PHOSPHO1: variants seen among roughly 807,000 people sequenced by gnomAD.
PHOSPHO1 encodes phosphoethanolamine/phosphocholine phosphatase 1.
PHOSPHO1 carries 6 observed loss-of-function variants against 17.7 expected under a neutral mutation model. The ratio of observed to expected loss-of-function variants is 0.34; its 90% CI spans 0.19 to 0.67. PHOSPHO1 has a LOEUF of 0.67. PHOSPHO1 is among the 30% of genes least tolerant of loss of function. The pLI is 0.69. For missense variants in PHOSPHO1, 330 were observed against 392.1 expected (o/e 0.84, Z 1.34); for synonymous variants, 159 against 174.6 (o/e 0.91, Z 0.71).
rs149060541 is a variant in PHOSPHO1, at chr17:49,227,259, C to T, written c.-67-501G>A. On this transcript the variant is annotated intron_variant, in intron 1 of 2. Transcript: ENST00000310544. ...TGCCCTCAAAAAGGAAGGAGCTGAC[C>T]AAAGCTTACTATACCATAGCTGGGG... Among the ~76,000 whole-genome samples the T allele has an allele frequency of 1.3e-3, 203 of 152,272 alleles. 1 individual carries two copies. Among genetic ancestry groups the T allele is most frequent in the Admixed American group, 4.2e-3 (64 of 15,296 alleles).
At chr17:49,227,735 T>A (rs1161495595) in intron 1 of PHOSPHO1, among the ~76,000 whole-genome samples, 1 of 152,196 alleles carries the variant, frequency 6.6e-6, no homozygotes. Flanking sequence ...GTACAGGCTC[T>A]AGCAATATCC....
In PHOSPHO1 at chr17:49,226,751, A is replaced by T; in HGVS notation, c.-60T>A. ...ACTCTGTTGGCCTCCAGCCGTCGTC[A>T]CACGTTCCTGACAACCACAAAAGTT... On this transcript the variant is annotated 5_prime_UTR_variant, in exon 2 of 3. Coordinates refer to ENST00000310544, the MANE Select transcript of PHOSPHO1 (RefSeq NM_178500.4). 2 of 1,600,820 alleles carry T rather than the reference A, an allele frequency of 1.2e-6. No homozygotes were observed. Among genetic ancestry groups the T allele is most frequent in the Admixed American group, 3.3e-5 (2 of 59,810 alleles).
intron 1 of PHOSPHO1, among the ~76,000 whole-genome samples, chr17:49,229,842 C>T (rs749603353): frequency 6.6e-6 from 1 of 152,174 alleles, no homozygotes; most frequent in Non-Finnish European, 1.5e-5. Context: ...AGAGGTCAGG[C>T]TAACATCCTA....
chr17:49,226,228 TG>T (rs770924824), intron 2 of PHOSPHO1, among the ~76,000 whole-genome samples: 7 of 152,008 alleles, frequency 4.6e-5, no homozygotes, highest in Non-Finnish European at 1.0e-4. Flanking sequence ...TTAATTGAGA[TG>T]GGATTGTTTC....
chr17:49,224,524 A>C lies in PHOSPHO1; in HGVS notation c.526T>G (p.Cys176Gly). Residue 176 changes from cysteine (C) to glycine (G), a missense_variant, in exon 3 of 3, where the codon TGC becomes GGC. Physicochemically the swap from Cys to Gly is radical, Grantham distance 159. Transcript: ENST00000310544. Reference protein sequence around the residue: ...HSCARCPANMCKHKVLSDYLR... With the variant: ...HSCARCPANMGKHKVLSDYLR... The stretch of plus-strand genomic sequence containing the variant: ...TAGTCGCTGAGCACCTTGTGCTTGC[A>C]CATGTTGGCGGGGCAGCGCGCGCAG... 1 of 1,577,794 alleles carries C rather than the reference A, an allele frequency of 6.3e-7. No homozygotes were observed. Among genetic ancestry groups the C allele is most frequent in the Non-Finnish European group, 8.6e-7 (1 of 1,165,114 alleles).
rs1381373793 is a variant in PHOSPHO1 at position 49,224,312 on chromosome 17, G to A, written c.738C>T (p.Ser246=). ...QKAEPSSFRA[S]VVPWETAADV... Reference sequence around the variant, plus strand: ...CTGCAGCCGTTTCCCAGGGCACCACGCTGGCGCGGAACGAGCTGGGCTCGG... The same window carrying A: ...CTGCAGCCGTTTCCCAGGGCACCACACTGGCGCGGAACGAGCTGGGCTCGG... Residue 246 remains serine, a synonymous_variant, in exon 3 of 3, where the codon AGC becomes AGT. Coordinates refer to ENST00000310544, the MANE Select transcript of PHOSPHO1 (RefSeq NM_178500.4). The A allele has an allele frequency of 8.8e-6, 14 of 1,595,200 alleles. No individual in the cohort carries two copies. The highest frequency in any genetic ancestry group is 1.1e-5 in the South Asian group (1 of 89,276).
At position 49,224,550 on chromosome 17, in the gene PHOSPHO1, C is replaced by CTG; in HGVS notation, c.498_499dup (p.Ser167ThrfsTer99). ...CATGTTGGCGGGGCAGCGCGCGCAG[C>CTG]TGTGTGTGTGGAACGGCCGCAGAGC... is the stretch of plus-strand genomic sequence containing the variant. On this transcript the variant is annotated frameshift_variant, in exon 3 of 3. Transcript: ENST00000310544. LOFTEE classifies it high-confidence loss of function. 3 of 1,567,504 alleles carry CTG rather than the reference C, an allele frequency of 1.9e-6. No individual in the cohort carries two copies. The highest frequency in any genetic ancestry group is 2.6e-6 in the Non-Finnish European group (3 of 1,161,614).
rs1429810572 is a variant in PHOSPHO1 at position 49,230,640 on chromosome 17, C to T, written c.-240G>A. On this transcript the variant is annotated 5_prime_UTR_variant, in exon 1 of 3. Transcript: ENST00000310544. ...ATTTCTGGGCTCCGGCTCACGAGTC[C>T]CTCCAGTCCCGAGGGACTGAGGATG... is the stretch of plus-strand genomic sequence containing the variant. The T allele has an allele frequency of 6.6e-6, 1 of 152,256 alleles. No individual in the cohort carries two copies. The highest frequency in any genetic ancestry group is 1.9e-4 in the East Asian group (1 of 5,176). 9.4% of individuals were successfully genotyped at this position (152,256 alleles called of 1,614,324 possible). A position where few individuals can be genotyped will look rare whatever the true frequency, so the allele number is the denominator to read the frequency against.
At chr17:49,228,277 CTTCCTTCCTTCCTTCCTTCCTCCTTCCT>C (rs2043377296) in intron 1 of PHOSPHO1, among the ~76,000 whole-genome samples, 1 of 93,854 alleles carries the variant, frequency 1.1e-5, no homozygotes, top group Non-Finnish European at 2.2e-5. Flanking sequence ...TCCTTCCTTC[CTTCCTTCCTTCCTTCCTTCCTCCTTCCT>C]TCCTTCCTTC....
chr17:49,226,283 T>G (rs373979415), intron 2 of PHOSPHO1, among the ~76,000 whole-genome samples: 2 of 152,120 alleles, frequency 1.3e-5, no homozygotes, highest in African/African-American at 4.8e-5. Context: ...ATTCCTGGTG[T>G]GCTTATGGCC....
chr17:49,226,756 T>C lies in PHOSPHO1; in HGVS notation c.-65A>G. The C allele has an allele frequency of 1.3e-6, 2 of 1,593,880 alleles. No homozygotes were observed. The highest frequency in any genetic ancestry group is 1.7e-5 in the Admixed American group (1 of 59,658). ...GTTGGCCTCCAGCCGTCGTCACACG[T>C]TCCTGACAACCACAAAAGTTCATTT... is the stretch of plus-strand genomic sequence containing the variant. On this transcript the variant is annotated splice_region_variant and 5_prime_UTR_variant, in exon 2 of 3. Coordinates refer to ENST00000310544, the MANE Select transcript of PHOSPHO1 (RefSeq NM_178500.4).
At chr17:49,228,285 CT>C (rs1451773118) in intron 1 of PHOSPHO1, among the ~76,000 whole-genome samples, 152 of 93,370 alleles carry the variant, frequency 1.6e-3, no homozygotes, top group Non-Finnish European at 2.0e-3. Context: ...TCCTTCCTTC[CT>C]TCCTTCCTTC....
At chr17:49,226,822 C>A in intron 1 of PHOSPHO1, 64 bp from the exon 2 acceptor site, 3 of 979,748 alleles carry the variant, frequency 3.1e-6, no homozygotes, top group South Asian at 1.4e-5. Context: ...ACCAGGAATA[C>A]CCACCTGGCC....
chr17:49,228,781 C>T (rs529462002), intron 1 of PHOSPHO1, among the ~76,000 whole-genome samples: 1 of 125,544 alleles, frequency 8.0e-6, no homozygotes, highest in African/African-American at 3.3e-5. Context: ...CAGCGAGACT[C>T]CGTCTCAAAA....
At chr17:49,225,141 A>C (rs905014180) in intron 2 of PHOSPHO1, 137 bp from the exon 3 acceptor site, 1 of 1,436,144 alleles carries the variant, frequency 7.0e-7, no homozygotes, top group Non-Finnish European at 9.1e-7. Context: ...CCTGAGGAGG[A>C]CCCAAGTCTG....
In PHOSPHO1 at chr17:49,223,606, AC is replaced by A. The variant is rs1254839460; in HGVS notation, c.*639del. ...TACTGGCTGTCCGGACCCGAGCCGG[AC>A]GGTGCGCTACCTCGTACCACCACCA... On this transcript the variant is annotated 3_prime_UTR_variant, in exon 3 of 3. Coordinates refer to ENST00000310544, the MANE Select transcript of PHOSPHO1 (RefSeq NM_178500.4). 1.3e-5 allele frequency: 2 copies of A among 152,690 alleles called. No individual in the cohort carries two copies. The highest frequency in any genetic ancestry group is 4.8e-5 in the African/African-American group (2 of 41,512). 9.5% of individuals were successfully genotyped at this position (152,690 alleles called of 1,614,324 possible).
chr17:49,225,864 G>C lies in PHOSPHO1; in HGVS notation c.45+783C>G, dbSNP rs1489758729. ...GAGGGGCCAGGTAGTGGGGACTTGG[G>C]GGGTGTGGAGGAGAGGGCTGAGAGG... On this transcript the variant is annotated intron_variant, in intron 2 of 2. Transcript: ENST00000310544. 6.7e-6 allele frequency: 8 copies of C among 1,188,028 alleles called. No individual in the cohort carries two copies. In the South Asian group the frequency reaches 1.2e-4, roughly 18 times the overall value. 73.6% of individuals were successfully genotyped at this position (1,188,028 alleles called of 1,614,324 possible). A position where few individuals can be genotyped will look rare whatever the true frequency, so the allele number is the denominator to read the frequency against.
In PHOSPHO1 at chr17:49,224,760, G is replaced by A. The variant is rs1261374785; in HGVS notation, c.290C>T (p.Pro97Leu). Residue 97 changes from proline to leucine, a missense_variant, in exon 3 of 3, where the codon CCT becomes CTT. Physicochemically the swap from Pro to Leu is moderately conservative, Grantham distance 98. Transcript: ENST00000310544. ...RDLSAIYEAI[P>L]LSPGMSDLLQ... ...CAGGTCGCTCATGCCTGGCGACAAAGGGATGGCTTCGTAGATGGCGCTCAG... is the reference window on the plus strand; with the variant it reads ...CAGGTCGCTCATGCCTGGCGACAAAAGGATGGCTTCGTAGATGGCGCTCAG... 1 of 1,599,904 alleles carries A rather than the reference G, an allele frequency of 6.3e-7. No individual in the cohort carries two copies. The highest frequency in any genetic ancestry group is 1.1e-5 in the South Asian group (1 of 89,042).
chr17:49,226,852 A>G (rs1441965204), intron 1 of PHOSPHO1, 94 bp from the exon 2 acceptor site: 3 of 732,768 alleles, frequency 4.1e-6, no homozygotes, highest in African/African-American at 3.5e-5. Flanking sequence ...CTGCTGAGCT[A>G]CAGGAGGCAT....
Sources: gnomAD v4.1 joint callset for allele counts (sites outside exome capture counted in the v4.1 genomes callset) on GRCh38, gnomAD v4.1.1 for gene constraint, MANE v1.5 for transcripts, NCBI Gene and HGNC (gene_info 2026-07-23, HGNC 2026-07-21) for gene names.